The following SLCO2A1 variants were observed in gnomAD, a reference collection of about 807,000 sequenced individuals.
SLCO2A1 encodes matrin F/G 1.
In SLCO2A1, 60 loss-of-function variants were observed where a neutral mutation model predicts 71.7. That is an observed-to-expected ratio of 0.84 (90% CI 0.68 to 1.04). The LOEUF (loss-of-function observed/expected upper bound fraction) is 1.04, where lower values mean the gene tolerates loss of function less well. Among genes scored for constraint, SLCO2A1 ranks in the 50% least tolerant of loss-of-function variants. The pLI is 0.00. For synonymous variants in SLCO2A1, 308 were observed against 326.7 expected, an observed-to-expected ratio of 0.94 and a Z score of 0.62; for missense variants, 745 against 813.4, an observed-to-expected ratio of 0.92 and a Z score of 1.02.
At chr3:133,951,043 C>A (rs1055341304) in intron 6 of SLCO2A1, 165 bp downstream of exon 6, 8 of 884,742 alleles carry the variant, frequency 9.0e-6, no homozygotes, top group Middle Eastern at 2.2e-4. Context: ...TTCACCAACA[C>A]CCTCACCTCT....
rs571796805 is a variant in SLCO2A1, at chr3:133,983,934, G to A, written c.97-4316C>T. Among the ~76,000 whole-genome samples the A allele has an allele frequency of 4.6e-5, 7 of 152,286 alleles. No individual in the cohort carries two copies. The South Asian group carries it at 8.3e-4, about 18-fold the overall frequency. On this transcript the variant is annotated intron_variant, in intron 1 of 13. Coordinates refer to ENST00000310926, the MANE Select transcript of SLCO2A1 (RefSeq NM_005630.3). ...ACCGATTCAACGTGAAAGAAGAGAC[G>A]GGGCTGTTTCCAGCCTGAGGGCCAG...
At chr3:134,025,620 A>C (rs1935686981) in intron 1 of SLCO2A1, among the ~76,000 whole-genome samples, 2 of 152,204 alleles carry the variant, frequency 1.3e-5, no homozygotes, top group African/African-American at 4.8e-5. Flanking sequence ...TGTGGAAAGA[A>C]ATGTAAATAC....
At chr3:134,027,844 G>C (rs1041566581) in intron 1 of SLCO2A1, among the ~76,000 whole-genome samples, 1 of 152,176 alleles carries the variant, frequency 6.6e-6, no homozygotes, top group Admixed American at 6.5e-5. Context: ...ATCCAACCTC[G>C]TACCTGGTTT....
chr3:134,028,503 G>A (rs760065805), intron 1 of SLCO2A1, among the ~76,000 whole-genome samples: 3 of 152,128 alleles, frequency 2.0e-5, no homozygotes, highest in Non-Finnish European at 4.4e-5. Context: ...ATTGCGGTGC[G>A]GAAAGAGCAG....
intron 3 of SLCO2A1, among the ~76,000 whole-genome samples, chr3:133,967,010 G>A (rs535797877): frequency 3.9e-5 from 6 of 152,296 alleles, no homozygotes; most frequent in South Asian, 4.1e-4. Context: ...ACAGAAGCCC[G>A]CTTTCCTTTT....
At chr3:134,010,814 C>G (rs1480426718) in intron 1 of SLCO2A1, among the ~76,000 whole-genome samples, 2 of 149,744 alleles carry the variant, frequency 1.3e-5, no homozygotes, top group African/African-American at 4.9e-5. Flanking sequence ...ACAAAAACAG[C>G]ATGGGGGAAA....
At position 134,005,481 on chromosome 3, in the gene SLCO2A1, A is replaced by ATTTTTT. The variant is rs35386403; in HGVS notation, c.96+24220_96+24225dup. On this transcript the variant is annotated intron_variant, in intron 1 of 13. Coordinates refer to ENST00000310926, the MANE Select transcript of SLCO2A1 (RefSeq NM_005630.3). ...GAGTAGTCCATTTTCATGTGTTATA[A>ATTTTTT]TTTTTTTTTTTTTTTTTTTAGACGG... Among the ~76,000 whole-genome samples the ATTTTTT allele has an allele frequency of 2.2e-5, 3 of 133,914 alleles. 1 individual carries two copies. Among genetic ancestry groups the ATTTTTT allele is most frequent in the Non-Finnish European group, 1.6e-5 (1 of 64,440 alleles). 87.9% of individuals were successfully genotyped at this position (133,914 alleles called of 152,430 possible).
chr3:134,027,490 C>G (rs568367081), intron 1 of SLCO2A1, among the ~76,000 whole-genome samples: 1 of 152,338 alleles, frequency 6.6e-6, no homozygotes, highest in African/African-American at 2.4e-5. Context: ...GGTGCACCCC[C>G]TTAGAGTTGT....
At chr3:133,976,528 C>A (rs1934453302) in intron 2 of SLCO2A1, among the ~76,000 whole-genome samples, 1 of 152,168 alleles carries the variant, frequency 6.6e-6, no homozygotes, top group South Asian at 2.1e-4. Context: ...TGGCTTAAGA[C>A]CTTGTTCTCA....
rs578115558 is a variant in SLCO2A1 at position 133,944,728 on chromosome 3, T to C, written c.1461+367A>G. ...ACAGAAGCCTAATGCCCTCGATTTA[T>C]CTGGGCCACGGCCAGCCTGCAGGAC... is the stretch of plus-strand genomic sequence containing the variant. On this transcript the variant is annotated intron_variant, in intron 10 of 13. Coordinates refer to ENST00000310926, the MANE Select transcript of SLCO2A1 (RefSeq NM_005630.3). Among the ~76,000 whole-genome samples the C allele has an allele frequency of 9.2e-5, 14 of 152,360 alleles. 1 individual carries two copies. The highest frequency in any genetic ancestry group is 2.9e-4 in the African/African-American group (12 of 41,586).
At chr3:134,009,850 G>A (rs949848092) in intron 1 of SLCO2A1, among the ~76,000 whole-genome samples, 1 of 152,182 alleles carries the variant, frequency 6.6e-6, no homozygotes, top group Non-Finnish European at 1.5e-5. Context: ...AGTACATAGA[G>A]AAAAAATCTT....
intron 1 of SLCO2A1, among the ~76,000 whole-genome samples, chr3:134,012,895 C>T (rs1317012200): frequency 2.6e-5 from 4 of 152,186 alleles, no homozygotes; most frequent in Non-Finnish European, 4.4e-5. Flanking sequence ...TGTAAAATGT[C>T]ATAGCAAGGG....
intron 7 of SLCO2A1, 82 bp downstream of exon 7, chr3:133,948,811 C>T: frequency 6.3e-7 from 1 of 1,589,664 alleles, no homozygotes; most frequent in Non-Finnish European, 8.6e-7. Flanking sequence ...CCGCACACAA[C>T]ACCACAGGGG....
chr3:133,976,949 A>C (rs1013762610), intron 2 of SLCO2A1, among the ~76,000 whole-genome samples: 3 of 152,046 alleles, frequency 2.0e-5, no homozygotes, highest in Non-Finnish European at 2.9e-5. Context: ...GCTTCACCTC[A>C]CCTACTGGGC....
intron 1 of SLCO2A1, among the ~76,000 whole-genome samples, chr3:133,981,696 G>C (rs187184987): frequency 6.6e-6 from 1 of 152,296 alleles, no homozygotes; most frequent in East Asian, 1.9e-4. Context: ...GAAAAGCAAG[G>C]CTGGGCGCGG....
chr3:133,958,966 C>G (rs545281102), intron 3 of SLCO2A1, among the ~76,000 whole-genome samples: 2 of 152,122 alleles, frequency 1.3e-5, no homozygotes, highest in African/African-American at 4.8e-5. Context: ...AGGACCAAGT[C>G]TAAGTTATGT....
At chr3:134,003,046 G>A (rs988719838) in intron 1 of SLCO2A1, among the ~76,000 whole-genome samples, 3 of 152,282 alleles carry the variant, frequency 2.0e-5, no homozygotes, top group South Asian at 4.2e-4. Flanking sequence ...GGACTGATCC[G>A]CTTCCCAACT....
At chr3:133,976,736 C>T (rs1051692099) in intron 2 of SLCO2A1, among the ~76,000 whole-genome samples, 4 of 152,182 alleles carry the variant, frequency 2.6e-5, no homozygotes. Flanking sequence ...TCATGACATG[C>T]CCCTGCCCTT....
intron 1 of SLCO2A1, among the ~76,000 whole-genome samples, chr3:133,981,475 G>A (rs1293164733): frequency 1.3e-5 from 2 of 152,190 alleles, no homozygotes; most frequent in Non-Finnish European, 1.5e-5. Flanking sequence ...CACATGGATG[G>A]GGAGGTGGGA....
Sources: gnomAD v4.1 joint callset for allele counts (sites outside exome capture counted in the v4.1 genomes callset) on GRCh38, gnomAD v4.1.1 for gene constraint, MANE v1.5 for transcripts, NCBI Gene and HGNC (gene_info 2026-07-23, HGNC 2026-07-21) for gene names.